The following XRN1 variants were observed in gnomAD, a reference collection of about 807,000 sequenced individuals.
XRN1 encodes strand-exchange protein 1 homolog.
Under a neutral mutation model 222.3 loss-of-function variants are expected in XRN1, and 67 were observed. The ratio of observed to expected loss-of-function variants is 0.30; its 90% CI spans 0.25 to 0.37. The LOEUF is 0.37. Ranked by LOEUF, XRN1 falls within the 10% of genes least tolerant of loss-of-function variation. The pLI is 1.00. For missense variants in XRN1, 1,707 were observed against 2,000.2 expected, an observed-to-expected ratio of 0.85 and a Z score of 2.80; for synonymous variants, 643 against 652.4, an observed-to-expected ratio of 0.99 and a Z score of 0.22.
intron 20 of XRN1, among the ~76,000 whole-genome samples, chr3:142,392,568 T>C (rs1380359826): frequency 6.6e-6 from 1 of 151,920 alleles, no homozygotes; most frequent in African/African-American, 2.4e-5. Context: ...AGTGAGAATA[T>C]GCGGTGTTTG....
At chr3:142,392,769 C>G (rs1480398784) in intron 20 of XRN1, among the ~76,000 whole-genome samples, 4 of 151,404 alleles carry the variant, frequency 2.6e-5, no homozygotes, top group African/African-American at 9.8e-5. Flanking sequence ...ATTGTGAATA[C>G]TGCTGCAATA....
intron 32 of XRN1, among the ~76,000 whole-genome samples, chr3:142,350,482 G>A (rs1362432954): frequency 1.3e-5 from 2 of 152,096 alleles, no homozygotes; most frequent in African/African-American, 4.8e-5. Context: ...TAAAAATAAT[G>A]GCTTTTACTC....
intron 37 of XRN1, among the ~76,000 whole-genome samples, chr3:142,324,655 C>T (rs959348284): frequency 6.6e-6 from 1 of 151,758 alleles, no homozygotes; most frequent in African/African-American, 2.4e-5. Flanking sequence ...GTTCTAGATC[C>T]CTGAGGAAAT....
At chr3:142,431,105 C>G (rs558891752) in intron 2 of XRN1, among the ~76,000 whole-genome samples, 8 of 152,328 alleles carry the variant, frequency 5.3e-5, no homozygotes, top group African/African-American at 1.9e-4. Context: ...ATAATGTTCT[C>G]ATTAGAAGAA....
At chr3:142,430,893 C>T (rs913380204) in intron 2 of XRN1, among the ~76,000 whole-genome samples, 3 of 152,218 alleles carry the variant, frequency 2.0e-5, no homozygotes, top group Non-Finnish European at 4.4e-5. Flanking sequence ...CTCTTCTCAT[C>T]CTTTTACTTC....
At chr3:142,364,939 G>T in intron 29 of XRN1, 108 bp downstream of exon 29, 5 of 1,147,406 alleles carry the variant, frequency 4.4e-6, no homozygotes, top group Non-Finnish European at 3.5e-6. Flanking sequence ...AAGATTGTTT[G>T]TTCCTGATTT....
At position 142,418,816 on chromosome 3, in the gene XRN1, C is replaced by T; in HGVS notation, c.1239G>A (p.Lys413=). 6.2e-7 allele frequency: 1 copy of T among 1,613,836 alleles called. No individual in the cohort carries two copies. The highest frequency in any genetic ancestry group is 8.5e-7 in the Non-Finnish European group (1 of 1,179,810). ...DKNEGEMITS[K]DNLEDETEDD... ...TCAAAACACATACTTCATACTTACC[C>T]TTAGAAGTTATCATTTCGCCTTCAT... Residue 413 remains lysine, a splice_region_variant and synonymous_variant, in exon 11 of 41, where the codon AAG becomes AAA. Coordinates refer to ENST00000392981, the MANE Select transcript of XRN1 (RefSeq NM_001282857.2).
intron 12 of XRN1, chr3:142,418,286 A>G (rs1259588332): frequency 2.3e-6 from 1 of 443,028 alleles, no homozygotes; most frequent in Non-Finnish European, 3.9e-6. Context: ...CCTTATACAT[A>G]AGGATCATTT....
At chr3:142,350,267 G>T (rs1015354292) in intron 32 of XRN1, among the ~76,000 whole-genome samples, 6 of 152,070 alleles carry the variant, frequency 3.9e-5, no homozygotes, top group Admixed American at 6.5e-5. Context: ...TATACATGAG[G>T]ACACAGAAGC....
Position 142,404,949 on chromosome 3 carries a change from G to T in XRN1, c.1841C>A (p.Pro614Gln). ...TATGGCAGGGAACTTTTCTGGCCAT[G>T]GAGAAGGATAGATAAACTCTGTGTC... is the stretch of plus-strand genomic sequence containing the variant. ...DRDTEFIYPSPWPEKFPAIER... is the reference protein window; with the variant it reads ...DRDTEFIYPSQWPEKFPAIER... The change falls in exon 16 of 41, where the codon CCA (proline) becomes CAA (glutamine). Residue 614 changes from proline (P) to glutamine (Q), a missense_variant. Coordinates refer to ENST00000392981, the MANE Select transcript of XRN1 (RefSeq NM_001282857.2). 1 of 1,614,002 alleles carries T rather than the reference G, an allele frequency of 6.2e-7. No individual in the cohort carries two copies. The highest frequency in any genetic ancestry group is 8.5e-7 in the Non-Finnish European group (1 of 1,179,926).
rs150145962 is a variant in XRN1, at chr3:142,318,694, C to T, written c.4519G>A (p.Gly1507Ser). ...KAALFALQQL[G>S]SLGMNFPLPS... ...AAAGGGAAATTCATGCCTAAGGAGC[C>T]CTGTGGAAGTATTTAAAAGTTACAA... Residue 1507 changes from glycine (G) to serine (S), a missense_variant and splice_region_variant, in exon 39 of 41, where the codon GGC becomes AGC. By Grantham distance (56) the Gly-to-Ser change is moderately conservative. Coordinates refer to ENST00000392981, the MANE Select transcript of XRN1 (RefSeq NM_001282857.2). 1.4e-3 allele frequency: 2,329 copies of T among 1,609,454 alleles called. 5 individuals carry two copies. The highest frequency in any genetic ancestry group is 1.7e-3 in the Non-Finnish European group (1,984 of 1,177,904).
At chr3:142,383,229 T>C in intron 22 of XRN1, 71 bp downstream of exon 22, 1 of 1,178,434 alleles carries the variant, frequency 8.5e-7, no homozygotes, top group Non-Finnish European at 1.2e-6. Context: ...AATTTAAACC[T>C]AAATGAAGAG....
chr3:142,314,612 A>G (rs1293501580), intron 39 of XRN1, among the ~76,000 whole-genome samples: 1 of 151,956 alleles, frequency 6.6e-6, no homozygotes, highest in Admixed American at 6.6e-5. Flanking sequence ...CTTTATGACT[A>G]AAACATTGTT....
At chr3:142,325,439 A>C (rs1340682288) in intron 37 of XRN1, among the ~76,000 whole-genome samples, 3 of 152,086 alleles carry the variant, frequency 2.0e-5, no homozygotes, top group Admixed American at 6.6e-5. Context: ...TAAAAATTCA[A>C]CTTTTGTTTG....
chr3:142,334,370 A>C (rs1235706512), intron 34 of XRN1, among the ~76,000 whole-genome samples: 1 of 151,964 alleles, frequency 6.6e-6, no homozygotes, highest in Non-Finnish European at 1.5e-5. Context: ...TTACTATAAG[A>C]GATCAATTTA....
intron 2 of XRN1, among the ~76,000 whole-genome samples, chr3:142,432,129 CAT>C (rs908163704): frequency 2.8e-5 from 3 of 107,122 alleles, no homozygotes; most frequent in African/African-American, 5.0e-5. Context: ...AATATATTTT[CAT>C]ATATATAAAA....
At chr3:142,396,496 G>C (rs1032162682) in intron 20 of XRN1, among the ~76,000 whole-genome samples, 1 of 152,002 alleles carries the variant, frequency 6.6e-6, no homozygotes, top group African/African-American at 2.4e-5. Flanking sequence ...ACTATGATGG[G>C]GTATCTAATT....
At chr3:142,363,089 A>T (rs1176128644) in intron 29 of XRN1, among the ~76,000 whole-genome samples, 1 of 152,096 alleles carries the variant, frequency 6.6e-6, no homozygotes, top group Admixed American at 6.6e-5. Flanking sequence ...ATTTTCTTTC[A>T]GACTCTCTAT....
intron 1 of XRN1, chr3:142,436,201 T>C (rs2069901770): frequency 6.6e-6 from 1 of 151,942 alleles, no homozygotes; most frequent in African/African-American, 2.4e-5. Context: ...AAATAACACA[T>C]CATTTTCCCA....
Sources: allele counts gnomAD v4.1 joint callset (sites outside exome capture counted in the v4.1 genomes callset), GRCh38; gene constraint gnomAD v4.1.1; transcripts MANE v1.5; gene names NCBI Gene and HGNC (gene_info 2026-07-23, HGNC 2026-07-21).